CHST11: variants seen among roughly 807,000 people sequenced by gnomAD.
The protein encoded by CHST11 is carbohydrate sulfotransferase 11, also known as C4S-1.
In CHST11, 9 loss-of-function variants were observed where a neutral mutation model predicts 30.4. The ratio of observed to expected loss-of-function variants is 0.30; its 90% confidence interval spans 0.18 to 0.52. The LOEUF is 0.52. Ranked by LOEUF, CHST11 falls within the 20% of genes least tolerant of loss-of-function variation. The pLI is 0.97. For missense variants in CHST11, 348 were observed against 460.6 expected, an observed-to-expected ratio of 0.76 and a Z score of 2.24; for synonymous variants, 152 against 187.8, an observed-to-expected ratio of 0.81 and a Z score of 1.56.
chr12:104,568,938 C>T (rs907522008), intron 1 of CHST11, among the ~76,000 whole-genome samples: 5 of 152,094 alleles, frequency 3.3e-5, no homozygotes, highest in Admixed American at 1.3e-4. Context: ...ATGTATGTAG[C>T]GACATTTATT....
chr12:104,488,315 G>A (rs2037704206), intron 1 of CHST11, among the ~76,000 whole-genome samples: 1 of 152,066 alleles, frequency 6.6e-6, no homozygotes, highest in South Asian at 2.1e-4. Flanking sequence ...GCCCCTTGGG[G>A]AGCCTGAGAG....
At chr12:104,692,015 C>A (rs917660225) in intron 2 of CHST11, among the ~76,000 whole-genome samples, 1 of 152,242 alleles carries the variant, frequency 6.6e-6, no homozygotes, top group Non-Finnish European at 1.5e-5. Context: ...ACAGACCAGA[C>A]CTCAGCGTGT....
intron 2 of CHST11, among the ~76,000 whole-genome samples, chr12:104,632,219 G>T (rs1322657246): frequency 6.6e-6 from 1 of 152,012 alleles, no homozygotes; most frequent in Non-Finnish European, 1.5e-5. Flanking sequence ...TAGAATTGGG[G>T]GTGATGATAT....
chr12:104,707,252 T>C (rs1002396994), intron 2 of CHST11, among the ~76,000 whole-genome samples: 1 of 152,228 alleles, frequency 6.6e-6, no homozygotes, highest in Non-Finnish European at 1.5e-5. Context: ...TCAGTGCTCA[T>C]TTGCTAAATG....
rs10602668 is a variant in CHST11, at chr12:104,696,482, CAAAAAAAAAAA to C, written c.205-60452_205-60442del. Among the ~76,000 whole-genome samples, 4 of 69,116 alleles carry C rather than the reference CAAAAAAAAAAA, an allele frequency of 5.8e-5. No individual in the cohort carries two copies. The East Asian group carries it at 1.5e-3, about 26-fold the overall frequency. 45.3% of individuals were successfully genotyped at this position (69,116 alleles called of 152,430 possible). ...TGAAACCCCGACTCTGCTAAAAATA[CAAAAAAAAAAA>C]AAAAAAAAAAAAAACATAGCTGGGC... On this transcript the variant is annotated intron_variant, in intron 2 of 2. Coordinates refer to ENST00000303694, the MANE Select transcript of CHST11 (RefSeq NM_018413.6).
At chr12:104,671,202 G>A (rs10861268) in intron 2 of CHST11, among the ~76,000 whole-genome samples, 4,687 of 152,188 alleles carry the variant, frequency 0.031, 153 homozygotes, top group East Asian at 0.2. Context: ...ACCCTCCTCC[G>A]CAAAGCCTCT....
chr12:104,669,575 T>C (rs543131154), intron 2 of CHST11, among the ~76,000 whole-genome samples: 11 of 152,278 alleles, frequency 7.2e-5, no homozygotes, highest in Admixed American at 2.0e-4. Flanking sequence ...GCCTACATTG[T>C]GTTTGTAGAG....
rs1481543511 is a variant in CHST11, at chr12:104,720,063, A to G, written c.205-36886A>G. ...CAAAGCTATGGAGGGGCTTGTAAAC[A>G]TGTTGCTTTTTGTAAATTGAATAAG... On this transcript the variant is annotated intron_variant, in intron 2 of 2. Coordinates refer to ENST00000303694, the MANE Select transcript of CHST11 (RefSeq NM_018413.6). Among the ~76,000 whole-genome samples, 10 of 152,194 alleles carry G rather than the reference A, an allele frequency of 6.6e-5. 1 individual carries two copies. The highest frequency in any genetic ancestry group is 2.4e-5 in the African/African-American group (1 of 41,448).
intron 1 of CHST11, among the ~76,000 whole-genome samples, chr12:104,477,670 A>G (rs2037576632): frequency 6.6e-6 from 1 of 152,158 alleles, no homozygotes; most frequent in African/African-American, 2.4e-5. Context: ...GGACCTTTCC[A>G]GACACCAAAT....
intron 2 of CHST11, among the ~76,000 whole-genome samples, chr12:104,723,102 G>T (rs2040191151): frequency 6.6e-6 from 1 of 152,000 alleles, no homozygotes; most frequent in African/African-American, 2.4e-5. Flanking sequence ...TCAGTTTTTT[G>T]ATCTGTGGTG....
At chr12:104,671,751 T>C (rs1442356914) in intron 2 of CHST11, among the ~76,000 whole-genome samples, 1 of 149,846 alleles carries the variant, frequency 6.7e-6, no homozygotes, top group Non-Finnish European at 1.5e-5. Flanking sequence ...TCTCTCTTTT[T>C]CTCTCTCTCT....
chr12:104,622,896 A>G (rs2039174107), intron 2 of CHST11, among the ~76,000 whole-genome samples: 2 of 152,216 alleles, frequency 1.3e-5, no homozygotes, highest in Admixed American at 1.3e-4. Flanking sequence ...CTCCCAGTCC[A>G]GTGTTCAGTT....
intron 2 of CHST11, among the ~76,000 whole-genome samples, chr12:104,630,982 A>G (rs1320850375): frequency 6.6e-6 from 1 of 152,206 alleles, no homozygotes; most frequent in Non-Finnish European, 1.5e-5. Context: ...GACCCCTAAT[A>G]ACGTGAACAG....
At chr12:104,625,548 G>T (rs918553745) in intron 2 of CHST11, among the ~76,000 whole-genome samples, 2 of 152,128 alleles carry the variant, frequency 1.3e-5, no homozygotes, top group Non-Finnish European at 2.9e-5. Context: ...CAGGCGATCC[G>T]CCCGCCTTGG....
At chr12:104,667,820 C>T (rs1487203955) in intron 2 of CHST11, among the ~76,000 whole-genome samples, 1 of 152,212 alleles carries the variant, frequency 6.6e-6, no homozygotes, top group Non-Finnish European at 1.5e-5. Context: ...TGCAGCTGCA[C>T]ATCCAAAGCA....
intron 2 of CHST11, among the ~76,000 whole-genome samples, chr12:104,735,812 G>T (rs978581305): frequency 1.3e-5 from 2 of 152,196 alleles, no homozygotes; most frequent in Non-Finnish European, 2.9e-5. Flanking sequence ...GAAGGCAGTG[G>T]GGACTCGTCA....
intron 1 of CHST11, among the ~76,000 whole-genome samples, chr12:104,590,298 G>T (rs570794937): frequency 6.6e-6 from 1 of 152,298 alleles, no homozygotes; most frequent in East Asian, 1.9e-4. Context: ...AGGCCCCTTT[G>T]TAGGAGAATC....
Position 104,503,450 on chromosome 12 carries a change from G to A in CHST11, c.118+45921G>A, listed in dbSNP as rs190798245. ...TCAGAGCCTCACTGCACACCTGCAC[G>A]TTGGGGCTGGCATTTAATACCCACC... On this transcript the variant is annotated intron_variant, in intron 1 of 2. Transcript: ENST00000303694. 8.5e-5 allele frequency among the ~76,000 whole-genome samples: 13 copies of A among 152,342 alleles called. No homozygotes were observed. In the East Asian group the frequency reaches 1.5e-3, roughly 18 times the overall value.
intron 2 of CHST11, among the ~76,000 whole-genome samples, chr12:104,653,124 A>G (rs1034572315): frequency 2.6e-5 from 4 of 152,220 alleles, no homozygotes; most frequent in African/African-American, 9.6e-5. Context: ...TGGAATCTCT[A>G]TACCGTTTGA....
Sources: gnomAD v4.1 joint callset for allele counts (sites outside exome capture counted in the v4.1 genomes callset) on GRCh38, gnomAD v4.1.1 for gene constraint, MANE v1.5 for transcripts, NCBI Gene and HGNC (gene_info 2026-07-23, HGNC 2026-07-21) for gene names.